The following RPS6KA2 variants were observed in gnomAD, a reference collection of about 807,000 sequenced individuals.
RPS6KA2 encodes ribosomal protein S6 kinase alpha-2.
RPS6KA2 carries 42 observed loss-of-function variants against 91.8 expected under a neutral mutation model. The observed-to-expected ratio is 0.46, with a 90% CI of 0.36 to 0.59. RPS6KA2 has a LOEUF of 0.59. Among genes scored for constraint, RPS6KA2 ranks in the 20% least tolerant of loss-of-function variants. The probability of loss-of-function intolerance (pLI) is 0.00; values close to 1 mark genes in which losing one functional copy is unlikely to be tolerated. For synonymous variants in RPS6KA2, 414 were observed against 393.6 expected (o/e 1.05, Z -0.61); for missense variants, 798 against 978.5 (o/e 0.82, Z 2.46).
chr6:166,551,986 C>T (rs777815251), intron 1 of RPS6KA2, among the ~76,000 whole-genome samples: 3 of 152,186 alleles, frequency 2.0e-5, no homozygotes, highest in Non-Finnish European at 2.9e-5. Flanking sequence ...GACCGCCTTC[C>T]GACACAGCTT....
chr6:166,485,705 A>G (rs1781384466), intron 10 of RPS6KA2, among the ~76,000 whole-genome samples: 1 of 151,816 alleles, frequency 6.6e-6, no homozygotes, highest in Non-Finnish European at 1.5e-5. Flanking sequence ...CCACCTCCCC[A>G]GACGCACGGT....
chr6:166,480,574 G>A (rs1202468850), intron 10 of RPS6KA2, among the ~76,000 whole-genome samples: 1 of 146,898 alleles, frequency 6.8e-6, no homozygotes, highest in Non-Finnish European at 1.5e-5. Flanking sequence ...GAGTGCAGTT[G>A]TGCGATCTCA....
At chr6:166,846,898 T>C (rs1780620877) in intron 2 of RPS6KA2, among the ~76,000 whole-genome samples, 1 of 152,130 alleles carries the variant, frequency 6.6e-6, no homozygotes, top group Non-Finnish European at 1.5e-5. Flanking sequence ...GGCATCCAAA[T>C]TGGTAAAGAG....
chr6:166,709,365 C>T (rs773690446), intron 2 of RPS6KA2, among the ~76,000 whole-genome samples: 6 of 149,718 alleles, frequency 4.0e-5, no homozygotes, highest in South Asian at 2.1e-4. Context: ...AGTTGGCTCA[C>T]GCCTGTCATC....
At chr6:166,656,863 A>G (rs1361758443) in intron 2 of RPS6KA2, among the ~76,000 whole-genome samples, 1 of 152,166 alleles carries the variant, frequency 6.6e-6, no homozygotes, top group Non-Finnish European at 1.5e-5. Flanking sequence ...GCCCGGGCAA[A>G]CAGATGGTGC....
chr6:166,802,880 G>T (rs892374402), intron 2 of RPS6KA2, among the ~76,000 whole-genome samples: 27 of 151,740 alleles, frequency 1.8e-4, no homozygotes, highest in African/African-American at 6.5e-4. Context: ...ATGTTTAAAT[G>T]ATAATCTTCA....
chr6:166,499,740 G>A (rs1178077525), intron 7 of RPS6KA2, among the ~76,000 whole-genome samples: 1 of 152,224 alleles, frequency 6.6e-6, no homozygotes, highest in Non-Finnish European at 1.5e-5. Context: ...CCTTGGGTAT[G>A]TCTTTATTAG....
At chr6:166,530,675 G>C (rs1783241085) in intron 3 of RPS6KA2, among the ~76,000 whole-genome samples, 2 of 152,220 alleles carry the variant, frequency 1.3e-5, no homozygotes. Context: ...CCCAGCTAGT[G>C]ACGGGCTTAA....
chr6:166,809,758 G>A (rs1425670660), intron 2 of RPS6KA2, among the ~76,000 whole-genome samples: 2 of 152,202 alleles, frequency 1.3e-5, no homozygotes, highest in Non-Finnish European at 2.9e-5. Flanking sequence ...CACAGCCATG[G>A]TGGAAGGCAT....
Position 166,732,008 on chromosome 6 carries a change from T to C in RPS6KA2, c.123+126192A>G, listed in dbSNP as rs989961013. On this transcript the variant is annotated intron_variant, in intron 2 of 21. Transcript: ENST00000503859. The surrounding 1 kb of genome is among the most constrained non-coding windows in gnomAD (Gnocchi z 4.0). ...TACAAAAGTAGATGGAAAGGCCTCA[T>C]AGAAATTTTTTATTAGTGGTGGCTA... Among the ~76,000 whole-genome samples the C allele has an allele frequency of 2.0e-5, 3 of 152,192 alleles. No individual in the cohort carries two copies. The highest frequency in any genetic ancestry group is 4.8e-5 in the African/African-American group (2 of 41,452).
chr6:166,488,818 C>A lies in RPS6KA2; in HGVS notation c.907+15G>T, dbSNP rs373411379. On this transcript the variant is annotated intron_variant, in intron 10 of 20. Coordinates refer to ENST00000265678, the MANE Select transcript of RPS6KA2 (RefSeq NM_021135.6). ...CCTGCACGTTCCCGTGGTGGGGTGT[C>A]CCGGGGAATCTTACCCAGCCGGTTG... 8 of 1,606,444 alleles carry A rather than the reference C, an allele frequency of 5.0e-6. No individual in the cohort carries two copies. The highest frequency in any genetic ancestry group is 6.0e-6 in the Non-Finnish European group (7 of 1,175,294).
intron 1 of RPS6KA2, among the ~76,000 whole-genome samples, chr6:166,572,154 A>G (rs565152896): frequency 2.0e-5 from 3 of 152,356 alleles, no homozygotes; most frequent in South Asian, 2.1e-4. Flanking sequence ...TAAATTCAAG[A>G]AAGAACCAAA....
rs577587515 is a variant in RPS6KA2, at chr6:166,508,816, G to A, written c.380-534C>T. ...TTTGAACATCAACAATGGGGCTCAC[G>A]TCCTAGGTCTGGTCACTGTGAGCTA... On this transcript the variant is annotated intron_variant, in intron 4 of 20. Transcript: ENST00000265678. This position sits in a 1 kb window ranked among gnomAD's most constrained non-coding sequence, Gnocchi z 4.3. Among the ~76,000 whole-genome samples the A allele has an allele frequency of 6.6e-5, 10 of 152,272 alleles. No individual in the cohort carries two copies. Among genetic ancestry groups the A allele is most frequent in the South Asian group, 2.1e-4 (1 of 4,826 alleles).
chr6:166,787,555 C>T (rs1778965438), intron 2 of RPS6KA2, among the ~76,000 whole-genome samples: 1 of 152,052 alleles, frequency 6.6e-6, no homozygotes. Flanking sequence ...GTTACTGTCT[C>T]TTCTTTATTA....
chr6:166,498,214 A>G (rs1781862921), intron 8 of RPS6KA2, among the ~76,000 whole-genome samples: 1 of 152,246 alleles, frequency 6.6e-6, no homozygotes, highest in Admixed American at 6.5e-5. Context: ...AAATCATGGC[A>G]TCTCTTGTAA....
chr6:166,634,305 G>C (rs1787168026), intron 2 of RPS6KA2, among the ~76,000 whole-genome samples: 1 of 152,170 alleles, frequency 6.6e-6, no homozygotes, highest in Non-Finnish European at 1.5e-5. Context: ...AGTAACACTG[G>C]GAGCAGAACT....
chr6:166,801,308 A>C (rs1779359286), intron 2 of RPS6KA2, among the ~76,000 whole-genome samples: 1 of 150,954 alleles, frequency 6.6e-6, no homozygotes, highest in Non-Finnish European at 1.5e-5. Flanking sequence ...GGAGAGGAAA[A>C]GAATCTAAAG....
intron 2 of RPS6KA2, among the ~76,000 whole-genome samples, chr6:166,715,906 C>T (rs1007362859): frequency 2.6e-5 from 4 of 151,956 alleles, no homozygotes; most frequent in Middle Eastern, 3.4e-3. Flanking sequence ...GGCATGGAGA[C>T]GCATGCCTGT....
chr6:166,750,138 C>A (rs1791232356), intron 2 of RPS6KA2, among the ~76,000 whole-genome samples: 2 of 152,204 alleles, frequency 1.3e-5, no homozygotes, highest in Admixed American at 1.3e-4. Context: ...CCTGGAGCCC[C>A]ACTCTGTGCT....
Sources: gnomAD v4.1 joint callset for allele counts (sites outside exome capture counted in the v4.1 genomes callset) on GRCh38, gnomAD v4.1.1 for gene constraint, Gnocchi (gnomAD v3.1) non-coding constraint, MANE v1.5 for transcripts, NCBI Gene and HGNC (gene_info 2026-07-23, HGNC 2026-07-21) for gene names.